The following KCNT2 variants were observed in gnomAD, a reference collection of about 807,000 sequenced individuals.
KCNT2 encodes the protein potassium channel subfamily T member 2.
In KCNT2, 67 loss-of-function variants were observed where a neutral mutation model predicts 153.8. The observed-to-expected ratio is 0.44, with a 90% CI of 0.36 to 0.53. The LOEUF (loss-of-function observed/expected upper bound fraction) is 0.53, where lower values mean the gene tolerates loss of function less well. Ranked by LOEUF, KCNT2 falls within the 20% of genes least tolerant of loss-of-function variation. KCNT2 has a pLI of 0.00. For missense variants in KCNT2, 975 were observed against 1,354.8 expected (o/e 0.72, Z 4.40); for synonymous variants, 500 against 458.8 (o/e 1.09, Z -1.15).
chr1:196,434,750 T>C (rs1426975552), intron 8 of KCNT2, among the ~76,000 whole-genome samples: 1 of 151,906 alleles, frequency 6.6e-6, no homozygotes. Context: ...CCAATAAATA[T>C]GACAAAAGTG....
In KCNT2 at chr1:196,340,574, A is replaced by T. The variant is rs748555326; in HGVS notation, c.1554-4T>A. ...ACCAATCAAGCAGACGCCAAACCTT[A>T]ATTTAAAAAAAAAGAGAGTTTGTAA... On this transcript the variant is annotated splice_region_variant and splice_polypyrimidine_tract_variant and intron_variant, in intron 15 of 27. Transcript: ENST00000294725. The T allele has an allele frequency of 6.7e-7, 1 of 1,495,692 alleles. No individual in the cohort carries two copies. 92.7% of individuals were successfully genotyped at this position (1,495,692 alleles called of 1,614,324 possible). A position where few individuals can be genotyped will look rare whatever the true frequency, so the allele number is the denominator to read the frequency against.
intron 19 of KCNT2, among the ~76,000 whole-genome samples, chr1:196,320,696 A>G (rs1440312862): frequency 6.6e-6 from 1 of 150,496 alleles, no homozygotes; most frequent in Admixed American, 6.6e-5. Context: ...AATGCTTAAT[A>G]CAGCAAAACA....
chr1:196,338,948 CAAAAAAAAAAAAAA>C (rs976388530), intron 16 of KCNT2, among the ~76,000 whole-genome samples: 5 of 37,732 alleles, frequency 1.3e-4, no homozygotes, highest in East Asian at 1.3e-3. Context: ...TGCTTTTTAG[CAAAAAAAAAAAAAA>C]AAAAAAAAAA....
rs927586097 is a variant in KCNT2, at chr1:196,340,581, A to G, written c.1554-11T>C. On this transcript the variant is annotated splice_polypyrimidine_tract_variant and intron_variant, in intron 15 of 27. Transcript: ENST00000294725. ...AAGCAGACGCCAAACCTTAATTTAA[A>G]AAAAAAGAGAGTTTGTAAGAAAATT... 2.0e-6 allele frequency: 3 copies of G among 1,474,616 alleles called. No homozygotes were observed. Among genetic ancestry groups the G allele is most frequent in the Admixed American group, 4.6e-5 (2 of 43,646 alleles). The allele number at this position is 1,474,616 out of a possible 1,614,324, so 91.3% of individuals were successfully genotyped here.
At position 196,263,026 on chromosome 1, in the gene KCNT2, C is replaced by T. The variant is rs1657167539; in HGVS notation, c.2911-4532G>A. 2.6e-5 allele frequency among the ~76,000 whole-genome samples: 4 copies of T among 152,112 alleles called. No homozygotes were observed. The South Asian group carries it at 8.3e-4, about 32-fold the overall frequency. ...AAGCCAAATATTTACTAAAGAAATT[C>T]ATGTTCAAATAATAACATTTTTAAA... On this transcript the variant is annotated intron_variant, in intron 25 of 27. Coordinates refer to ENST00000294725, the MANE Select transcript of KCNT2 (RefSeq NM_198503.5).
At chr1:196,427,955 G>A (rs1458065288) in intron 10 of KCNT2, 150 bp downstream of exon 10, 4 of 533,624 alleles carry the variant, frequency 7.5e-6, no homozygotes, top group Non-Finnish European at 3.3e-6. Context: ...TATGTTCCTG[G>A]TTATATTTGT....
intron 3 of KCNT2, among the ~76,000 whole-genome samples, chr1:196,486,963 T>C (rs774709269): frequency 4.6e-5 from 7 of 151,984 alleles, no homozygotes; most frequent in Non-Finnish European, 8.8e-5. Flanking sequence ...TTTCAAAATA[T>C]TGGAAACATT....
At chr1:196,390,973 C>A (rs1572276031) in intron 13 of KCNT2, among the ~76,000 whole-genome samples, 1 of 142,242 alleles carries the variant, frequency 7.0e-6, no homozygotes, top group Admixed American at 7.3e-5. Flanking sequence ...GATAGGGAAA[C>A]TAAATAATGA....
intron 1 of KCNT2, among the ~76,000 whole-genome samples, chr1:196,583,653 A>T (rs1662320244): frequency 6.6e-6 from 1 of 152,080 alleles, no homozygotes; most frequent in African/African-American, 2.4e-5. Flanking sequence ...ACATAAAACA[A>T]AGAAGAATGA....
At chr1:196,295,278 A>G (rs1660575381) in intron 22 of KCNT2, among the ~76,000 whole-genome samples, 1 of 151,968 alleles carries the variant, frequency 6.6e-6, no homozygotes, top group Admixed American at 6.6e-5. Flanking sequence ...AGTTAAAACC[A>G]GTGTTCTTTC....
At chr1:196,410,953 C>T (rs1205969035) in intron 12 of KCNT2, among the ~76,000 whole-genome samples, 1 of 149,536 alleles carries the variant, frequency 6.7e-6, no homozygotes. Context: ...TCCTTTCCTC[C>T]CTCTCTTCCT....
At chr1:196,350,326 G>C (rs1260628891) in intron 14 of KCNT2, among the ~76,000 whole-genome samples, 2 of 152,178 alleles carry the variant, frequency 1.3e-5, no homozygotes, top group African/African-American at 2.4e-5. Context: ...CCCACCAACA[G>C]TGTAAAAGTG....
At chr1:196,283,866 A>G (rs2147880905) in intron 23 of KCNT2, among the ~76,000 whole-genome samples, 1 of 152,086 alleles carries the variant, frequency 6.6e-6, no homozygotes, top group East Asian at 1.9e-4. Context: ...TCAGTTATAT[A>G]TACATACACA....
At position 196,465,361 on chromosome 1, in the gene KCNT2, A is replaced by G. The variant is rs1347591738; in HGVS notation, c.570T>C (p.Arg190=). Residue 190 remains arginine, a synonymous_variant, in exon 8 of 28, where the codon CGT becomes CGC. Transcript: ENST00000294725. ...MINDLHRAIQ[R]TQSAMFNQVL... ...CTTGATTAAACATTGCAGACTGTGTACGCTGAATGGCTCTGTGTAGATCAT... is the reference window on the plus strand; with the variant it reads ...CTTGATTAAACATTGCAGACTGTGTGCGCTGAATGGCTCTGTGTAGATCAT... 1.2e-6 allele frequency: 2 copies of G among 1,607,630 alleles called. No individual in the cohort carries two copies. The highest frequency in any genetic ancestry group is 2.2e-5 in the South Asian group (2 of 90,942).
intron 13 of KCNT2, among the ~76,000 whole-genome samples, chr1:196,394,108 T>TA (rs140427676): frequency 0.02 from 3,028 of 151,588 alleles, 100 homozygotes; most frequent in African/African-American, 0.069. Context: ...AAAGAATCTT[T>TA]AAAAAATAAT....
chr1:196,403,662 G>A (rs978150694), intron 12 of KCNT2, among the ~76,000 whole-genome samples: 1 of 151,276 alleles, frequency 6.6e-6, no homozygotes, highest in African/African-American at 2.4e-5. Context: ...GAGGAGTGTA[G>A]GGGGTGAGAT....
At chr1:196,515,387 T>G (rs1681965077) in intron 1 of KCNT2, among the ~76,000 whole-genome samples, 1 of 152,226 alleles carries the variant, frequency 6.6e-6, no homozygotes, top group Non-Finnish European at 1.5e-5. Context: ...AGACTATTAA[T>G]AGCATGCAAA....
chr1:196,266,321 G>A (rs1292985695), intron 25 of KCNT2, among the ~76,000 whole-genome samples: 1 of 152,084 alleles, frequency 6.6e-6, no homozygotes, highest in Non-Finnish European at 1.5e-5. Flanking sequence ...CCCTAAATAT[G>A]GGAATTGCAC....
At chr1:196,593,242 A>G (rs1292023095) in intron 1 of KCNT2, among the ~76,000 whole-genome samples, 1 of 149,174 alleles carries the variant, frequency 6.7e-6, no homozygotes, top group East Asian at 2.0e-4. Flanking sequence ...GGTTGCTGCA[A>G]ATGCCATTAA....
Sources: gnomAD v4.1 joint callset for allele counts (sites outside exome capture counted in the v4.1 genomes callset) on GRCh38, gnomAD v4.1.1 for gene constraint, MANE v1.5 for transcripts, NCBI Gene and HGNC (gene_info 2026-07-23, HGNC 2026-07-21) for gene names.